Variants in SPECC1 observed in about 807,000 individuals in gnomAD.
SPECC1 encodes the protein sperm antigen with calponin homology and coiled-coil domains 1.
Under a neutral mutation model 104.1 loss-of-function variants are expected in SPECC1, and 62 were observed. The ratio of observed to expected loss-of-function variants is 0.60; its 90% CI spans 0.49 to 0.74. The LOEUF (loss-of-function observed/expected upper bound fraction) is 0.74. SPECC1 is among the 30% of genes least tolerant of loss of function. The pLI is 0.00. For missense variants in SPECC1, 1,306 were observed against 1,310.5 expected (o/e 1.00, Z 0.05); for synonymous variants, 513 against 501.6 (o/e 1.02, Z -0.30).
In SPECC1 at chr17:20,246,061, G is replaced by T. The variant is rs1341337009; in HGVS notation, c.2487G>T (p.Leu829Phe). The T allele has an allele frequency of 2.5e-6, 4 of 1,613,828 alleles. No individual in the cohort carries two copies. The Admixed American group carries it at 6.7e-5, about 27-fold the overall frequency. ...TVKSLIKSFD[L>F]GRPGGAGQNI... ...AGTCACTTATCAAGTCATTTGACTT[G>T]GGACGCCCAGGTATTTAATCATTTT... Residue 829 changes from leucine (L) to phenylalanine (F), a missense_variant, in exon 8 of 15, where the codon TTG (leucine) becomes TTT (phenylalanine). By Grantham distance (22) the Leu-to-Phe change is conservative. Coordinates refer to ENST00000395527, the MANE Select transcript of SPECC1 (RefSeq NM_001243439.2).
chr17:20,131,825 A>G (rs926091027), intron 3 of SPECC1, among the ~76,000 whole-genome samples: 2 of 149,996 alleles, frequency 1.3e-5, no homozygotes, highest in Non-Finnish European at 3.0e-5. Context: ...AATTTTTTGT[A>G]TTTTAGTAGA....
At chr17:20,122,840 T>G (rs958728526) in intron 3 of SPECC1, among the ~76,000 whole-genome samples, 1 of 152,214 alleles carries the variant, frequency 6.6e-6, no homozygotes, top group African/African-American at 2.4e-5. Context: ...AAATAATATT[T>G]CCTTGTCTGG....
intron 3 of SPECC1, among the ~76,000 whole-genome samples, chr17:20,165,219 C>T (rs1306084901): frequency 1.1e-5 from 1 of 87,378 alleles, no homozygotes; most frequent in African/African-American, 8.4e-5. Context: ...CCCTGACAGG[C>T]CCCAGTGTGT....
intron 1 of SPECC1, among the ~76,000 whole-genome samples, chr17:20,059,137 G>T (rs991151570): frequency 6.6e-6 from 1 of 151,872 alleles, no homozygotes; most frequent in Admixed American, 6.6e-5. Context: ...ACCACGCCTG[G>T]CCTATTGTGC....
In SPECC1 at chr17:20,271,600, G is replaced by C. The variant is rs868634069; in HGVS notation, c.2940+11306G>C. On this transcript the variant is annotated intron_variant, in intron 12 of 14. Transcript: ENST00000395527. Reference sequence around the variant, plus strand: ...TGAGATATCCCCACACATCACAAGGGTCAGGGGTTGCAGCTGTGTTATCCT... The same window carrying C: ...TGAGATATCCCCACACATCACAAGGCTCAGGGGTTGCAGCTGTGTTATCCT... Among the ~76,000 whole-genome samples, 14 of 152,232 alleles carry C rather than the reference G, an allele frequency of 9.2e-5. 1 individual carries two copies. Among genetic ancestry groups the C allele is most frequent in the South Asian group, 8.3e-4 (4 of 4,822 alleles).
intron 7 of SPECC1, 150 bp downstream of exon 7, chr17:20,232,555 G>C (rs761195204): frequency 2.1e-5 from 18 of 865,238 alleles, no homozygotes; most frequent in Admixed American, 5.2e-5. Flanking sequence ...TTACCACTAG[G>C]AACATTCTGT....
chr17:20,169,617 A>C (rs2033930368), intron 3 of SPECC1, among the ~76,000 whole-genome samples: 1 of 151,872 alleles, frequency 6.6e-6, no homozygotes, highest in African/African-American at 2.4e-5. Context: ...GTATGTGTGC[A>C]TGGTTAGTTC....
chr17:20,025,671 C>T lies in SPECC1; in HGVS notation c.-22+16247C>T, dbSNP rs140463114. Among the ~76,000 whole-genome samples, 417 of 152,158 alleles carry T rather than the reference C, an allele frequency of 2.7e-3. 1 individual carries two copies. The highest frequency in any genetic ancestry group is 8.7e-3 in the African/African-American group (363 of 41,514). ...GTTATGAATAATGTTGCTATAAATG[C>T]CCATGTACAAGTTTTTATGTGGATA... is the stretch of plus-strand genomic sequence containing the variant. On this transcript the variant is annotated intron_variant, in intron 1 of 14. Coordinates refer to ENST00000395527, the MANE Select transcript of SPECC1 (RefSeq NM_001243439.2).
intron 3 of SPECC1, among the ~76,000 whole-genome samples, chr17:20,116,906 G>A (rs950069812): frequency 1.4e-5 from 2 of 145,380 alleles, no homozygotes; most frequent in African/African-American, 2.5e-5. Flanking sequence ...CCTAGGATGC[G>A]CAGGACCGTC....
intron 1 of SPECC1, among the ~76,000 whole-genome samples, chr17:20,053,048 C>T (rs147859930): frequency 7.9e-5 from 12 of 152,280 alleles, no homozygotes; most frequent in African/African-American, 2.9e-4. Context: ...TCTGCCAAGA[C>T]CTTTGTCAAC....
intron 1 of SPECC1, among the ~76,000 whole-genome samples, chr17:20,045,713 C>G (rs979405530): frequency 1.1e-4 from 16 of 152,118 alleles, no homozygotes; most frequent in African/African-American, 3.9e-4. Context: ...CCTACTGAGC[C>G]CAGACTTGGC....
Position 20,246,089 on chromosome 17 carries a change from C to G in SPECC1, c.2497+18C>G. The stretch of plus-strand genomic sequence containing the variant: ...ACGCCCAGGTATTTAATCATTTTTT[C>G]TATAAGCAAAGCTCCAAATTCAAAC... On this transcript the variant is annotated intron_variant, in intron 8 of 14. Transcript: ENST00000395527. 6.2e-7 allele frequency: 1 copy of G among 1,612,594 alleles called. No homozygotes were observed. The highest frequency in any genetic ancestry group is 8.5e-7 in the Non-Finnish European group (1 of 1,179,282).
intron 1 of SPECC1, among the ~76,000 whole-genome samples, chr17:20,020,181 T>C (rs1357178290): frequency 6.6e-6 from 1 of 152,206 alleles, no homozygotes; most frequent in Non-Finnish European, 1.5e-5. Context: ...CTGAGTTCTG[T>C]CTGCAGCAGA....
chr17:20,078,248 C>T (rs114990518), intron 1 of SPECC1, among the ~76,000 whole-genome samples: 517 of 151,400 alleles, frequency 3.4e-3, no homozygotes, highest in African/African-American at 0.012. Flanking sequence ...AAACTTGGTA[C>T]ATTGAAAGAC....
intron 1 of SPECC1, among the ~76,000 whole-genome samples, chr17:20,040,544 CTGAGACTGTCT>C (rs1458414557): frequency 1.3e-5 from 2 of 152,102 alleles, no homozygotes; most frequent in Non-Finnish European, 2.9e-5. Context: ...TTTGCTTTAT[CTGAGACTGTCT>C]TGATTTCCCA....
chr17:20,018,243 T>A (rs1214105207), intron 1 of SPECC1: 1 of 152,242 alleles, frequency 6.6e-6, no homozygotes, highest in Non-Finnish European at 1.5e-5. Flanking sequence ...GTAATCTGGT[T>A]CTGAGTACTT....
At chr17:20,258,170 C>A (rs1366582000) in intron 11 of SPECC1, among the ~76,000 whole-genome samples, 1 of 152,104 alleles carries the variant, frequency 6.6e-6, no homozygotes, top group East Asian at 1.9e-4. Context: ...GATTTTGTTT[C>A]GGATTTTGAG....
Position 20,041,620 on chromosome 17 carries a change from C to CTTTTTT in SPECC1, c.-22+32216_-22+32221dup, listed in dbSNP as rs35255510. Reference sequence around the variant, plus strand: ...GCACGTTTGTAGTTGTTTGTTGAGGCTTTTTTTTTTTTTTTTTTTTTTTTT... The same window carrying CTTTTTT: ...GCACGTTTGTAGTTGTTTGTTGAGGCTTTTTTTTTTTTTTTTTTTTTTTTTTTTTTT... On this transcript the variant is annotated intron_variant, in intron 1 of 14. Transcript: ENST00000395527. Among the ~76,000 whole-genome samples the CTTTTTT allele has an allele frequency of 6.4e-4, 33 of 51,208 alleles. 2 individuals carry two copies. Among genetic ancestry groups the CTTTTTT allele is most frequent in the South Asian group, 1.1e-3 (1 of 924 alleles). The allele number at this position is 51,208 out of a possible 152,430, so 33.6% of individuals were successfully genotyped here.
At chr17:20,070,484 A>G (rs1380606011) in intron 1 of SPECC1, among the ~76,000 whole-genome samples, 1 of 152,062 alleles carries the variant, frequency 6.6e-6, no homozygotes, top group Admixed American at 6.6e-5. Flanking sequence ...TCCTTTATAT[A>G]TGTTTTTAGG....
Sources: gnomAD v4.1 joint callset for allele counts (sites outside exome capture counted in the v4.1 genomes callset) on GRCh38, gnomAD v4.1.1 for gene constraint, MANE v1.5 for transcripts, NCBI Gene and HGNC (gene_info 2026-07-23, HGNC 2026-07-21) for gene names.